PXDNL: variants seen among roughly 807,000 people sequenced by gnomAD.
PXDNL encodes the protein probable oxidoreductase PXDNL.
Under a neutral mutation model 150.8 loss-of-function variants are expected in PXDNL, and 145 were observed. The observed-to-expected ratio is 0.96, with a 90% CI of 0.84 to 1.10. The LOEUF (loss-of-function observed/expected upper bound fraction) is 1.10, where lower values mean the gene tolerates loss of function less well. PXDNL is among the 50% of genes least tolerant of loss of function. The probability of loss-of-function intolerance (pLI) is 0.00; values close to 1 mark genes in which losing one functional copy is unlikely to be tolerated. For missense variants in PXDNL, 2,087 were observed against 1,873.9 expected (o/e 1.11, Z -2.10); for synonymous variants, 757 against 725.7 (o/e 1.04, Z -0.69).
intron 4 of PXDNL, among the ~76,000 whole-genome samples, chr8:51,514,457 C>T (rs779358327): frequency 1.2e-4 from 19 of 152,086 alleles, no homozygotes; most frequent in South Asian, 4.1e-4. Flanking sequence ...ACATTTAAGA[C>T]GCGGGGCAGC....
intron 4 of PXDNL, among the ~76,000 whole-genome samples, chr8:51,532,902 A>C (rs1811936237): frequency 6.6e-6 from 1 of 152,086 alleles, no homozygotes. Flanking sequence ...TTGTTGAATT[A>C]AATAAATGAA....
intron 7 of PXDNL, among the ~76,000 whole-genome samples, chr8:51,473,274 A>AACACACACACACACACACAC (rs1164131411): frequency 0.011 from 1,496 of 133,984 alleles, 32 homozygotes; most frequent in Admixed American, 0.016. Context: ...GTAGAAAATA[A>AACACACACACACACACACAC]ACACACACAC....
intron 1 of PXDNL, among the ~76,000 whole-genome samples, chr8:51,770,331 T>C (rs942168838): frequency 2.6e-5 from 4 of 152,198 alleles, no homozygotes; most frequent in Non-Finnish European, 5.9e-5. Context: ...TATGACTGAA[T>C]AGCTATGATC....
intron 1 of PXDNL, among the ~76,000 whole-genome samples, chr8:51,706,440 G>A (rs959743280): frequency 6.6e-6 from 1 of 152,236 alleles, no homozygotes; most frequent in Non-Finnish European, 1.5e-5. Flanking sequence ...AATTCACACA[G>A]GAGGAACACC....
intron 2 of PXDNL, among the ~76,000 whole-genome samples, chr8:51,646,958 G>T (rs904837550): frequency 3.3e-5 from 5 of 152,096 alleles, no homozygotes; most frequent in African/African-American, 4.8e-5. Context: ...TGGCCTGGGA[G>T]TGCAAATGTC....
At chr8:51,787,553 G>A (rs1002737325) in intron 1 of PXDNL, among the ~76,000 whole-genome samples, 70 of 152,328 alleles carry the variant, frequency 4.6e-4, no homozygotes, top group African/African-American at 1.6e-3. Context: ...ACTAGAATTT[G>A]AAGTGGAGCC....
intron 2 of PXDNL, among the ~76,000 whole-genome samples, chr8:51,629,638 T>C (rs1449316963): frequency 6.6e-6 from 1 of 152,118 alleles, no homozygotes; most frequent in East Asian, 1.9e-4. Context: ...CACATTTTGA[T>C]AGCCAAAAAC....
chr8:51,707,257 G>C lies in PXDNL; in HGVS notation c.165-52497C>G, dbSNP rs78274472. ...ACATGACAAGCAGTTCATCATGTGA[G>C]GAAATTCACATTTAGACAAGCATGC... On this transcript the variant is annotated intron_variant, in intron 1 of 22. Transcript: ENST00000356297. 4.4e-3 allele frequency among the ~76,000 whole-genome samples: 669 copies of C among 152,250 alleles called. 2 individuals carry two copies. Among genetic ancestry groups the C allele is most frequent in the Admixed American group, 7.3e-3 (112 of 15,288 alleles).
intron 4 of PXDNL, among the ~76,000 whole-genome samples, chr8:51,505,543 T>C (rs546301056): frequency 3.3e-5 from 5 of 152,326 alleles, no homozygotes; most frequent in Admixed American, 2.6e-4. Context: ...AGTGGCTGCT[T>C]TTTATTTTCT....
chr8:51,777,450 C>T (rs1277992975), intron 1 of PXDNL, among the ~76,000 whole-genome samples: 7 of 152,170 alleles, frequency 4.6e-5, no homozygotes, highest in Non-Finnish European at 1.0e-4. Context: ...GTACCAACTG[C>T]CAGATAAAAT....
At chr8:51,379,686 A>C (rs1388111931) in intron 17 of PXDNL, among the ~76,000 whole-genome samples, 1 of 152,106 alleles carries the variant, frequency 6.6e-6, no homozygotes, top group Non-Finnish European at 1.5e-5. Context: ...ATCAATTTTT[A>C]TATCAATTTT....
At chr8:51,695,755 G>A (rs541393616) in intron 1 of PXDNL, among the ~76,000 whole-genome samples, 1 of 152,280 alleles carries the variant, frequency 6.6e-6, no homozygotes, top group South Asian at 2.1e-4. Context: ...TGCTAGAAAA[G>A]CTAAGATGAC....
chr8:51,537,710 T>C (rs1458588366), intron 4 of PXDNL, among the ~76,000 whole-genome samples: 8 of 152,204 alleles, frequency 5.3e-5, no homozygotes, highest in African/African-American at 1.7e-4. Context: ...GTGCTTCCTA[T>C]TGAAGAACAA....
At chr8:51,396,898 C>T (rs1304892144) in intron 17 of PXDNL, among the ~76,000 whole-genome samples, 1 of 152,162 alleles carries the variant, frequency 6.6e-6, no homozygotes, top group Non-Finnish European at 1.5e-5. Flanking sequence ...GAAAAAAGGA[C>T]TTACTTATAT....
rs1290402122 is a variant in PXDNL at position 51,423,507 on chromosome 8, T to C, written c.1795+68A>G. 5 of 1,348,244 alleles carry C rather than the reference T, an allele frequency of 3.7e-6. No homozygotes were observed. In the African/African-American group the frequency reaches 5.9e-5, roughly 16 times the overall value. 83.5% of individuals were successfully genotyped at this position (1,348,244 alleles called of 1,614,324 possible). On this transcript the variant is annotated intron_variant, in intron 14 of 22. Transcript: ENST00000356297. ...AGCATGATTAGTGAGATCAGTCAAA[T>C]AGGATTGGGGTAGAAGCTGTTCAAA... is the stretch of plus-strand genomic sequence containing the variant.
chr8:51,398,484 A>C (rs567194586), intron 17 of PXDNL, among the ~76,000 whole-genome samples: 1 of 152,336 alleles, frequency 6.6e-6, no homozygotes, highest in South Asian at 2.1e-4. Flanking sequence ...CACCTCAGTA[A>C]TACCCAGAGA....
intron 1 of PXDNL, among the ~76,000 whole-genome samples, chr8:51,671,335 C>A (rs1815496955): frequency 6.6e-6 from 1 of 152,096 alleles, no homozygotes; most frequent in African/African-American, 2.4e-5. Flanking sequence ...AATTCATTTT[C>A]CCCAAACAAA....
At chr8:51,607,624 T>C (rs1179605330) in intron 2 of PXDNL, among the ~76,000 whole-genome samples, 1 of 135,618 alleles carries the variant, frequency 7.4e-6, no homozygotes, top group African/African-American at 3.3e-5. Flanking sequence ...GTGGATCACC[T>C]GAGGTCAGGA....
rs192266490 is a variant in PXDNL, at chr8:51,436,237, G to A, written c.1526-9479C>T. On this transcript the variant is annotated intron_variant, in intron 12 of 22. Transcript: ENST00000356297. ...CCATGTGTTGACTTTCACCATTTTGGATAATAGGATATGGTTTCAGAAGTT... is the reference window on the plus strand; with the variant it reads ...CCATGTGTTGACTTTCACCATTTTGAATAATAGGATATGGTTTCAGAAGTT... The A allele has an allele frequency of 5.8e-4, 299 of 519,408 alleles. 1 individual carries two copies. The highest frequency in any genetic ancestry group is 5.5e-5 in the Non-Finnish European group (14 of 256,266). The allele number at this position is 519,408 out of a possible 1,614,324, so 32.2% of individuals were successfully genotyped here. A position where few individuals can be genotyped will look rare whatever the true frequency, so the allele number is the denominator to read the frequency against.
Sources: allele counts gnomAD v4.1 joint callset (sites outside exome capture counted in the v4.1 genomes callset), GRCh38; gene constraint gnomAD v4.1.1; transcripts MANE v1.5; gene names NCBI Gene and HGNC (gene_info 2026-07-23, HGNC 2026-07-21).